Variants in FIGN observed in about 807,000 individuals in gnomAD.
FIGN encodes fidgetin, microtubule severing factor, also known as fidgetin.
In FIGN, 11 loss-of-function variants were observed where a neutral mutation model predicts 51.3. That is an observed-to-expected ratio of 0.21 (90% confidence interval 0.13 to 0.35). The LOEUF (loss-of-function observed/expected upper bound fraction) is 0.35. Among genes scored for constraint, FIGN ranks in the 10% least tolerant of loss-of-function variants. The pLI, the probability that FIGN is intolerant of heterozygous loss-of-function variation, is 1.00. For missense variants in FIGN, 857 were observed against 943.6 expected, an observed-to-expected ratio of 0.91 and a Z score of 1.20; for synonymous variants, 407 against 363.2, an observed-to-expected ratio of 1.12 and a Z score of -1.37.
At chr2:163,630,838 C>A (rs1017841764) in intron 2 of FIGN, among the ~76,000 whole-genome samples, 2 of 152,114 alleles carry the variant, frequency 1.3e-5, no homozygotes, top group African/African-American at 4.8e-5. Flanking sequence ...AAAAAAATCC[C>A]ATTTCATTTA....
At chr2:163,714,829 T>G (rs1042502802) in intron 2 of FIGN, among the ~76,000 whole-genome samples, 1 of 152,232 alleles carries the variant, frequency 6.6e-6, no homozygotes, top group East Asian at 1.9e-4. Context: ...AGTTTCAACC[T>G]AATACATTCA....
chr2:163,729,254 A>AAT lies in FIGN; in HGVS notation c.25+5647_25+5648dup, dbSNP rs1259405361. 8.5e-5 allele frequency among the ~76,000 whole-genome samples: 13 copies of AAT among 152,148 alleles called. No individual in the cohort carries two copies. The East Asian group carries it at 2.5e-3, about 29-fold the overall frequency. ...ACATACACATATGAAATATATATGA[A>AAT]ATATATATATAGCTAAAGGGAGTTA... is the stretch of plus-strand genomic sequence containing the variant. On this transcript the variant is annotated intron_variant, in intron 2 of 2. Coordinates refer to ENST00000333129, the MANE Select transcript of FIGN (RefSeq NM_018086.4).
intron 1 of FIGN, among the ~76,000 whole-genome samples, chr2:163,735,283 C>G (rs1012364733): frequency 6.6e-6 from 1 of 152,002 alleles, no homozygotes; most frequent in Non-Finnish European, 1.5e-5. Context: ...CTTTCTCTCC[C>G]GTTCCTTGCC....
chr2:163,650,773 G>T (rs1394494683), intron 2 of FIGN, among the ~76,000 whole-genome samples: 13 of 152,306 alleles, frequency 8.5e-5, no homozygotes, highest in Middle Eastern at 3.4e-3. Context: ...ACAGAAGATT[G>T]CTTCTGAGTG....
chr2:163,660,879 A>ATTT (rs71015599), intron 2 of FIGN, among the ~76,000 whole-genome samples: 1 of 6,686 alleles, frequency 1.5e-4, no homozygotes, highest in African/African-American at 5.1e-4. Flanking sequence ...ATATATATAT[A>ATTT]TTTTTTTTTT....
rs1315089020 is a variant in FIGN at position 163,605,106 on chromosome 2, T to C, written c.*4446A>G. 6.6e-6 allele frequency: 1 copy of C among 151,950 alleles called. No individual in the cohort carries two copies. The highest frequency in any genetic ancestry group is 2.4e-5 in the African/African-American group (1 of 41,394). 9.4% of individuals were successfully genotyped at this position (151,950 alleles called of 1,614,324 possible). A position where few individuals can be genotyped will look rare whatever the true frequency, so the allele number is the denominator to read the frequency against. On this transcript the variant is annotated 3_prime_UTR_variant, in exon 3 of 3. Transcript: ENST00000333129. ...TGACCCATGCTGCCGACATTCTACA[T>C]ATCACTGAGACAGGGAGGTGAAATT...
chr2:163,620,734 A>C (rs1682954258), intron 2 of FIGN, among the ~76,000 whole-genome samples: 1 of 152,106 alleles, frequency 6.6e-6, no homozygotes, highest in Admixed American at 6.6e-5. Flanking sequence ...ATTTTTATTT[A>C]AGAAACATCT....
intron 2 of FIGN, among the ~76,000 whole-genome samples, chr2:163,618,966 C>G (rs1047076929): frequency 6.6e-6 from 1 of 152,116 alleles, no homozygotes; most frequent in African/African-American, 2.4e-5. Flanking sequence ...TCTTACAACA[C>G]AACACGTGGG....
At chr2:163,683,408 G>A (rs1260520153) in intron 2 of FIGN, among the ~76,000 whole-genome samples, 1 of 152,154 alleles carries the variant, frequency 6.6e-6, no homozygotes, top group African/African-American at 2.4e-5. Context: ...CCATTTAAGA[G>A]GGACTAGAAG....
At chr2:163,704,327 G>C (rs1051792360) in intron 2 of FIGN, among the ~76,000 whole-genome samples, 11 of 151,968 alleles carry the variant, frequency 7.2e-5, no homozygotes, top group African/African-American at 2.7e-4. Context: ...TCTCTACTTT[G>C]AAGTTGGGTA....
intron 2 of FIGN, among the ~76,000 whole-genome samples, chr2:163,666,497 G>C (rs1683775916): frequency 6.6e-6 from 1 of 152,094 alleles, no homozygotes; most frequent in Non-Finnish European, 1.5e-5. Context: ...AGGAGTTCTA[G>C]GCTCCAATGC....
intron 2 of FIGN, among the ~76,000 whole-genome samples, chr2:163,624,141 T>C (rs1462221221): frequency 6.6e-6 from 1 of 152,138 alleles, no homozygotes; most frequent in African/African-American, 2.4e-5. Context: ...TGGCATCTAA[T>C]GAACATTCCC....
intron 2 of FIGN, among the ~76,000 whole-genome samples, chr2:163,674,324 G>A (rs760041870): frequency 1.4e-4 from 22 of 152,082 alleles, no homozygotes; most frequent in Non-Finnish European, 2.4e-4. Context: ...AATGAATTAC[G>A]CTTTTCTAAT....
At chr2:163,729,871 C>T (rs1399356643) in intron 2 of FIGN, among the ~76,000 whole-genome samples, 1 of 152,152 alleles carries the variant, frequency 6.6e-6, no homozygotes, top group Non-Finnish European at 1.5e-5. Context: ...CCACCATATG[C>T]AATGTTAAGC....
In FIGN at chr2:163,603,808, A is replaced by G. The variant is rs964479576; in HGVS notation, c.*5744T>C. 1 of 152,118 alleles carries G rather than the reference A, an allele frequency of 6.6e-6. No homozygotes were observed. The highest frequency in any genetic ancestry group is 2.4e-5 in the African/African-American group (1 of 41,446). The allele number at this position is 152,118 out of a possible 1,614,324, so 9.4% of individuals were successfully genotyped here. A position where few individuals can be genotyped will look rare whatever the true frequency, so the allele number is the denominator to read the frequency against. ...GTGAACCCCTTTCAGCATTTTTTAA[A>G]ACTAAGTGTTCTTTTGCTACTGTAA... On this transcript the variant is annotated 3_prime_UTR_variant, in exon 3 of 3. Transcript: ENST00000333129.
At chr2:163,735,517 T>A (rs1685001309) in intron 1 of FIGN, among the ~76,000 whole-genome samples, 1 of 152,216 alleles carries the variant, frequency 6.6e-6, no homozygotes, top group South Asian at 2.1e-4. Context: ...ATTTTTTTAT[T>A]TTTGAAGTAA....
chr2:163,733,450 C>T (rs1213369118), intron 2 of FIGN, among the ~76,000 whole-genome samples: 2 of 152,100 alleles, frequency 1.3e-5, no homozygotes, highest in African/African-American at 4.8e-5. Flanking sequence ...ATGTAATATC[C>T]TCCTCATCAC....
At chr2:163,655,870 G>A (rs1219010841) in intron 2 of FIGN, among the ~76,000 whole-genome samples, 2 of 151,226 alleles carry the variant, frequency 1.3e-5, no homozygotes, top group Non-Finnish European at 2.9e-5. Context: ...AACACTCCAT[G>A]CAGAAAAGAC....
At chr2:163,720,458 TC>T (rs1191314428) in intron 2 of FIGN, among the ~76,000 whole-genome samples, 1 of 152,226 alleles carries the variant, frequency 6.6e-6, no homozygotes, top group African/African-American at 2.4e-5. Context: ...TAGAAAACAT[TC>T]TTTTCATGCA....
Sources: gnomAD v4.1 joint callset for allele counts (sites outside exome capture counted in the v4.1 genomes callset) on GRCh38, gnomAD v4.1.1 for gene constraint, MANE v1.5 for transcripts, NCBI Gene and HGNC (gene_info 2026-07-23, HGNC 2026-07-21) for gene names.